SLC25A12: variants seen among roughly 807,000 people sequenced by gnomAD.
SLC25A12 encodes the protein solute carrier family 25 member 12.
SLC25A12 carries 32 observed loss-of-function variants against 83.3 expected under a neutral mutation model. The ratio of observed to expected loss-of-function variants is 0.38; its 90% CI spans 0.29 to 0.52. SLC25A12 has a LOEUF of 0.52. SLC25A12 is among the 20% of genes least tolerant of loss of function. SLC25A12 has a pLI of 0.84. For synonymous variants in SLC25A12, 267 were observed against 291.1 expected, an observed-to-expected ratio of 0.92 and a Z score of 0.84; for missense variants, 611 against 835.6, an observed-to-expected ratio of 0.73 and a Z score of 3.31.
At chr2:171,791,333 A>T in intron 15 of SLC25A12, 118 bp downstream of exon 15, 2 of 886,976 alleles carry the variant, frequency 2.3e-6, no homozygotes, top group Non-Finnish European at 3.7e-6. Context: ...AGTGATATTT[A>T]AACTAAGTCA....
chr2:171,836,581 T>A (rs1339215397), intron 6 of SLC25A12, among the ~76,000 whole-genome samples: 1 of 152,182 alleles, frequency 6.6e-6, no homozygotes, highest in Non-Finnish European at 1.5e-5. Context: ...CCTCCATACC[T>A]TCTGCCATGG....
intron 11 of SLC25A12, among the ~76,000 whole-genome samples, chr2:171,812,133 TTC>T (rs1410237050): frequency 2.0e-5 from 3 of 152,210 alleles, no homozygotes; most frequent in Admixed American, 2.0e-4. Context: ...ATCACATTCA[TTC>T]TCAAGAGCAG....
At chr2:171,850,068 T>C (rs1684890014) in intron 4 of SLC25A12, among the ~76,000 whole-genome samples, 1 of 151,392 alleles carries the variant, frequency 6.6e-6, no homozygotes, top group Admixed American at 6.6e-5. Context: ...CCTCCCAAAG[T>C]ACTGGGATTA....
chr2:171,837,322 T>C (rs1684581007), intron 5 of SLC25A12, 55 bp from the exon 6 acceptor site: 1 of 1,587,474 alleles, frequency 6.3e-7, no homozygotes, highest in Non-Finnish European at 8.7e-7. Context: ...TCCAAGTACA[T>C]GGTTTGGAAA....
At chr2:171,880,741 C>T (rs1685676287) in intron 2 of SLC25A12, among the ~76,000 whole-genome samples, 1 of 152,134 alleles carries the variant, frequency 6.6e-6, no homozygotes, top group Admixed American at 6.6e-5. Flanking sequence ...CCATGGTATC[C>T]ATCATTATTC....
chr2:171,816,355 C>T (rs1684050546), intron 9 of SLC25A12, among the ~76,000 whole-genome samples: 2 of 152,012 alleles, frequency 1.3e-5, no homozygotes, highest in African/African-American at 4.8e-5. Context: ...CATAAGCCAC[C>T]TCACCTGGCA....
chr2:171,840,757 T>C (rs1684657095), intron 5 of SLC25A12, among the ~76,000 whole-genome samples: 1 of 151,948 alleles, frequency 6.6e-6, no homozygotes, highest in Non-Finnish European at 1.5e-5. Context: ...TTTCAAGAAT[T>C]GAAGGACGTA....
intron 2 of SLC25A12, among the ~76,000 whole-genome samples, chr2:171,874,319 G>C (rs975048265): frequency 6.6e-6 from 1 of 152,216 alleles, no homozygotes; most frequent in Admixed American, 6.5e-5. Flanking sequence ...TTGAACCCGG[G>C]AGGCAGAGGT....
intron 4 of SLC25A12, among the ~76,000 whole-genome samples, chr2:171,852,903 T>C (rs371087870): frequency 6.6e-6 from 1 of 152,126 alleles, no homozygotes; most frequent in Admixed American, 6.5e-5. Flanking sequence ...TCCTTAAAAC[T>C]AGGAAGGCAG....
At chr2:171,810,078 G>C (rs1558914679) in intron 12 of SLC25A12, 146 bp downstream of exon 12, 2 of 715,480 alleles carry the variant, frequency 2.8e-6, no homozygotes, top group East Asian at 5.3e-5. Context: ...TGCTTATGCT[G>C]GTTTAGAACT....
chr2:171,836,108 C>G (rs879544624), intron 6 of SLC25A12, among the ~76,000 whole-genome samples: 1 of 151,218 alleles, frequency 6.6e-6, no homozygotes, highest in Non-Finnish European at 1.5e-5. Context: ...CCTTTCTTTC[C>G]TTCCTTCTTT....
intron 2 of SLC25A12, among the ~76,000 whole-genome samples, chr2:171,872,702 G>A (rs1685479410): frequency 6.6e-6 from 1 of 152,200 alleles, no homozygotes; most frequent in Non-Finnish European, 1.5e-5. Flanking sequence ...TGGGGCCAGG[G>A]AATGGAGGGA....
chr2:171,838,306 G>A (rs928540649), intron 5 of SLC25A12, among the ~76,000 whole-genome samples: 8 of 151,842 alleles, frequency 5.3e-5, no homozygotes, highest in African/African-American at 1.7e-4. Context: ...ATTTTCCTAT[G>A]GACTTGTGAT....
intron 13 of SLC25A12, among the ~76,000 whole-genome samples, chr2:171,799,414 T>C (rs529371749): frequency 6.6e-6 from 1 of 152,328 alleles, no homozygotes; most frequent in East Asian, 1.9e-4. Context: ...GGAAGAGCTG[T>C]TTCCAAACTA....
intron 9 of SLC25A12, 85 bp from the exon 10 acceptor site, chr2:171,815,287 G>A: frequency 2.1e-6 from 2 of 946,314 alleles, no homozygotes; most frequent in Non-Finnish European, 3.4e-6. Flanking sequence ...TTTAAGACAA[G>A]AAAAAACAAA....
intron 2 of SLC25A12, among the ~76,000 whole-genome samples, chr2:171,870,577 T>C (rs1685437096): frequency 6.6e-6 from 1 of 152,032 alleles, no homozygotes; most frequent in Admixed American, 6.6e-5. Context: ...GCAGTGATCA[T>C]GCCACTGTAC....
At chr2:171,894,141 G>A (rs2105938750) in intron 1 of SLC25A12, 62 bp downstream of exon 1, 1 of 1,578,306 alleles carries the variant, frequency 6.3e-7, no homozygotes, top group Non-Finnish European at 8.6e-7. Flanking sequence ...GTGGGGGGCT[G>A]CAGGCAGGGC....
intron 15 of SLC25A12, among the ~76,000 whole-genome samples, chr2:171,789,379 C>T (rs1395237726): frequency 6.6e-6 from 1 of 151,954 alleles, no homozygotes; most frequent in Non-Finnish European, 1.5e-5. Context: ...CAGAAGCCCG[C>T]CACCACGCCC....
intron 9 of SLC25A12, among the ~76,000 whole-genome samples, chr2:171,824,143 C>A (rs879537206): frequency 6.6e-6 from 1 of 152,172 alleles, no homozygotes; most frequent in African/African-American, 2.4e-5. Context: ...TGGTTTTTAT[C>A]ACTGCCCATT....
Sources: gnomAD v4.1 joint callset for allele counts (sites outside exome capture counted in the v4.1 genomes callset) on GRCh38, gnomAD v4.1.1 for gene constraint, MANE v1.5 for transcripts, NCBI Gene and HGNC (gene_info 2026-07-23, HGNC 2026-07-21) for gene names.